Variants in DCX observed in about 807,000 individuals in gnomAD.
DCX encodes the protein doublecortin.
Under a neutral mutation model 20.9 loss-of-function variants are expected in DCX, and 4 were observed. That is an observed-to-expected ratio of 0.19 (90% CI 0.09 to 0.44). DCX has a LOEUF of 0.44. Among genes scored for constraint, DCX ranks in the 20% least tolerant of loss-of-function variants. The probability of loss-of-function intolerance (pLI) is 0.99; values close to 1 mark genes in which losing one functional copy is unlikely to be tolerated. For synonymous variants in DCX, 103 were observed against 111.4 expected, an observed-to-expected ratio of 0.92 and a Z score of 0.47; for missense variants, 133 against 296.9, an observed-to-expected ratio of 0.45 and a Z score of 4.06.
chrX:111,303,882 C>T (rs1028342345), intron 6 of DCX, among the ~76,000 whole-genome samples: 1 of 111,850 alleles, frequency 8.9e-6, no homozygotes, highest in African/African-American at 3.3e-5. Context: ...CTTTGCTGGT[C>T]ACATATGGTC....
At chrX:111,324,294 T>C (rs778419749) in intron 5 of DCX, among the ~76,000 whole-genome samples, 14 of 111,521 alleles carry the variant, frequency 1.3e-4, no homozygotes, top group Non-Finnish European at 2.1e-4. Flanking sequence ...AATTTACATA[T>C]AGCCCTTCTT....
chrX:111,367,592 C>A (rs1334988302), intron 3 of DCX, among the ~76,000 whole-genome samples: 3 of 111,825 alleles, frequency 2.7e-5, no homozygotes, highest in Non-Finnish European at 5.6e-5. Flanking sequence ...ATGCCTATCC[C>A]CTTTGTCTTT....
chrX:111,332,655 G>A (rs190644298), intron 4 of DCX, among the ~76,000 whole-genome samples: 8 of 111,866 alleles, frequency 7.2e-5, no homozygotes, highest in East Asian at 2.8e-4. Context: ...TCTCTAAATT[G>A]GAACCATAAT....
At chrX:111,333,518 G>A in intron 3 of DCX, among the ~76,000 whole-genome samples, 1 of 111,632 alleles carries the variant, frequency 9.0e-6, no homozygotes, top group Non-Finnish European at 1.9e-5. Context: ...CAACTCTAGG[G>A]CAAGGGACTG....
rs1222632427 is a variant in DCX at position 111,299,003 on chromosome X, T to G, written c.*2684A>C. On this transcript the variant is annotated 3_prime_UTR_variant, in exon 7 of 7. Coordinates refer to ENST00000636035, the MANE Select transcript of DCX (RefSeq NM_001195553.2). ...AAGAAGGAGGGAGAAGTATAGGGAG[T>G]GGTGGCAAATGCTTGCTGACTTGAT... 1 of 107,535 alleles carries G rather than the reference T, an allele frequency of 9.3e-6. No homozygotes were observed. The highest frequency in any genetic ancestry group is 1.9e-5 in the Non-Finnish European group (1 of 52,153). The allele number at this position is 107,535 out of a possible 1,213,427, so 8.9% of individuals were successfully genotyped here. A position where few individuals can be genotyped will look rare whatever the true frequency, so the allele number is the denominator to read the frequency against.
chrX:111,357,137 G>A (rs1923796018), intron 3 of DCX, among the ~76,000 whole-genome samples: 2 of 111,808 alleles, frequency 1.8e-5, no homozygotes, highest in East Asian at 5.6e-4. Flanking sequence ...GATTTTAGTT[G>A]AGCCCAAGGT....
At chrX:111,403,916 C>G (rs1485565455) in intron 2 of DCX, among the ~76,000 whole-genome samples, 3 of 110,184 alleles carry the variant, frequency 2.7e-5, no homozygotes, top group Non-Finnish European at 5.7e-5. Context: ...CGTGGTGGCA[C>G]ATGCCTATAA....
intron 3 of DCX, among the ~76,000 whole-genome samples, chrX:111,334,424 TC>T (rs1156973233): frequency 8.9e-6 from 1 of 111,746 alleles, no homozygotes; most frequent in Non-Finnish European, 1.9e-5. Context: ...CACTTGTCCT[TC>T]ATCCATTCAT....
intron 2 of DCX, among the ~76,000 whole-genome samples, chrX:111,408,895 C>A (rs1311065091): frequency 9.0e-6 from 1 of 111,465 alleles, no homozygotes; most frequent in Admixed American, 9.5e-5. Context: ...GAAGCAGAGG[C>A]AGGTTTTTCC....
chrX:111,311,031 A>G (rs749875794), intron 6 of DCX, among the ~76,000 whole-genome samples: 1 of 112,244 alleles, frequency 8.9e-6, no homozygotes, highest in Non-Finnish European at 1.9e-5. Context: ...TGCTTACCAA[A>G]AGGAAGGTAA....
Position 111,295,553 on chromosome X carries a change from C to G in DCX, c.*6134G>C. On this transcript the variant is annotated 3_prime_UTR_variant, in exon 7 of 7. Coordinates refer to ENST00000636035, the MANE Select transcript of DCX (RefSeq NM_001195553.2). ...GTAAAACTTTAAGCAATTACTCCCC[C>G]ACCCCCATCCAGCCAAAACAAATGA... 1 of 111,959 alleles carries G rather than the reference C, an allele frequency of 8.9e-6. No individual in the cohort carries two copies. The highest frequency in any genetic ancestry group is 2.8e-4 in the East Asian group (1 of 3,575). 9.2% of individuals were successfully genotyped at this position (111,959 alleles called of 1,213,427 possible). A position where few individuals can be genotyped will look rare whatever the true frequency, so the allele number is the denominator to read the frequency against.
intron 2 of DCX, among the ~76,000 whole-genome samples, chrX:111,403,650 C>A (rs1323334550): frequency 8.9e-6 from 1 of 112,005 alleles, no homozygotes; most frequent in East Asian, 2.8e-4. Context: ...TGCACTCTAA[C>A]CTCCCTTGGC....
chrX:111,378,854 T>G (rs768093355), intron 3 of DCX, among the ~76,000 whole-genome samples: 1 of 111,836 alleles, frequency 8.9e-6, no homozygotes, highest in Non-Finnish European at 1.9e-5. Context: ...TAAGAGGTGA[T>G]TAAGCCATGA....
chrX:111,322,809 A>G (rs2095089749), intron 5 of DCX, among the ~76,000 whole-genome samples: 1 of 112,637 alleles, frequency 8.9e-6, no homozygotes, highest in South Asian at 3.7e-4. Flanking sequence ...AGCCAAATTC[A>G]ATTGTAGGTT....
At chrX:111,302,041 G>A (rs1460932789) in intron 6 of DCX, among the ~76,000 whole-genome samples, 4 of 110,267 alleles carry the variant, frequency 3.6e-5, no homozygotes, top group Non-Finnish European at 3.8e-5. Context: ...TGTGACCATC[G>A]CCACAGTCAA....
intron 5 of DCX, among the ~76,000 whole-genome samples, chrX:111,321,283 T>C (rs1310987701): frequency 1.8e-5 from 2 of 112,053 alleles, no homozygotes; most frequent in Admixed American, 9.5e-5. Flanking sequence ...GGGAAGATAG[T>C]ATCTATGCCC....
At chrX:111,333,922 G>C (rs764712536) in intron 3 of DCX, among the ~76,000 whole-genome samples, 1 of 111,292 alleles carries the variant, frequency 9.0e-6, no homozygotes, top group Non-Finnish European at 1.9e-5. Flanking sequence ...GCTTCCTGCA[G>C]TCTCCCCACT....
chrX:111,325,498 AG>A (rs1401108911), intron 5 of DCX, among the ~76,000 whole-genome samples: 1 of 112,341 alleles, frequency 8.9e-6, no homozygotes, highest in Admixed American at 9.4e-5. Flanking sequence ...CTTAATTCAT[AG>A]TGCAATTATG....
intron 5 of DCX, among the ~76,000 whole-genome samples, chrX:111,326,334 A>G (rs2095099482): frequency 1.8e-5 from 2 of 111,981 alleles, no homozygotes; most frequent in Admixed American, 1.9e-4. Flanking sequence ...GCAACTAGCT[A>G]TTTTGTCCTT....
Sources: gnomAD v4.1 joint callset for allele counts (sites outside exome capture counted in the v4.1 genomes callset) on GRCh38, gnomAD v4.1.1 for gene constraint, MANE v1.5 for transcripts, NCBI Gene and HGNC (gene_info 2026-07-23, HGNC 2026-07-21) for gene names.